KLF8: variants seen among roughly 807,000 people sequenced by gnomAD.
KLF8 encodes KLF transcription factor 8.
In KLF8, 10 loss-of-function variants were observed where a neutral mutation model predicts 18.2. That is an observed-to-expected ratio of 0.55 (90% CI 0.34 to 0.93). KLF8 has a LOEUF of 0.93. Among genes scored for constraint, KLF8 ranks in the 40% least tolerant of loss-of-function variants. The pLI is 0.02. For synonymous variants in KLF8, 109 were observed against 97.3 expected (o/e 1.12, Z -0.71); for missense variants, 264 against 277.9 (o/e 0.95, Z 0.36).
the KLF8 span, among the ~76,000 whole-genome samples, chrX:55,985,470 G>A: frequency 9.0e-6 from 1 of 111,457 alleles, no homozygotes; most frequent in Non-Finnish European, 1.9e-5. Context: ...TCTCTATTCT[G>A]TTCCATTGGT....
At chrX:56,239,310 C>T (rs1030383788) in intron 1 of KLF8, among the ~76,000 whole-genome samples, 1 of 112,242 alleles carries the variant, frequency 8.9e-6, no homozygotes, top group African/African-American at 3.2e-5. Flanking sequence ...CTAATTTTTC[C>T]CTTGTGCCAA....
At chrX:56,194,873 AGCAATATTTGCTGTTCT>A in the KLF8 span, among the ~76,000 whole-genome samples, 17 of 112,341 alleles carry the variant, frequency 1.5e-4, no homozygotes, top group East Asian at 8.4e-4. Flanking sequence ...AGGATCAGAC[AGCAATATTTGCTGTTCT>A]GCAATATTTG....
At chrX:56,271,011 A>G (rs975436000) in intron 5 of KLF8, among the ~76,000 whole-genome samples, 1 of 112,342 alleles carries the variant, frequency 8.9e-6, no homozygotes, top group Admixed American at 9.4e-5. Context: ...ACAATACAAC[A>G]ATAAAAAAAT....
the KLF8 span, among the ~76,000 whole-genome samples, chrX:55,926,424 T>A: frequency 9.0e-6 from 1 of 110,651 alleles, no homozygotes; most frequent in Non-Finnish European, 1.9e-5. Flanking sequence ...CTCTCCATGT[T>A]TCTAAAATTG....
At chrX:56,050,114 TC>T in the KLF8 span, among the ~76,000 whole-genome samples, 1 of 110,092 alleles carries the variant, frequency 9.1e-6, no homozygotes, top group Non-Finnish European at 1.9e-5. Context: ...GGTGGTGATA[TC>T]CCCTTTATCA....
the KLF8 span, chrX:55,962,373 C>G: frequency 1.4e-5 from 3 of 215,756 alleles, no homozygotes; most frequent in South Asian, 2.0e-4. Context: ...GAGCAGCTGA[C>G]CAATGAGTTC....
chrX:56,149,625 G>A, the KLF8 span, among the ~76,000 whole-genome samples: 2 of 111,642 alleles, frequency 1.8e-5, no homozygotes, highest in African/African-American at 6.5e-5. Context: ...ATGCAAAAAA[G>A]CAAAATAAAA....
the KLF8 span, among the ~76,000 whole-genome samples, chrX:55,936,910 A>G: frequency 8.9e-6 from 1 of 112,208 alleles, no homozygotes; most frequent in African/African-American, 3.2e-5. Context: ...ACCACAGCTC[A>G]AGGACCCTGC....
chrX:56,181,393 C>T, the KLF8 span, among the ~76,000 whole-genome samples: 513 of 111,500 alleles, frequency 4.6e-3, 1 homozygote, highest in African/African-American at 0.016. Flanking sequence ...ATACAGCACA[C>T]TGATCGGTCT....
At chrX:55,980,170 A>C in the KLF8 span, among the ~76,000 whole-genome samples, 1 of 111,772 alleles carries the variant, frequency 8.9e-6, no homozygotes. Context: ...GATGAAAAGG[A>C]GTTTCAGTGG....
At chrX:56,271,402 C>T (rs1409526267) in intron 5 of KLF8, among the ~76,000 whole-genome samples, 2 of 111,807 alleles carry the variant, frequency 1.8e-5, no homozygotes, top group Non-Finnish European at 3.8e-5. Context: ...TGCCTAGAAG[C>T]CAGATGCAGC....
chrX:56,191,689 A>G, the KLF8 span, among the ~76,000 whole-genome samples: 63 of 111,969 alleles, frequency 5.6e-4, 1 homozygote, highest in East Asian at 0.016. Context: ...AACAAAATGA[A>G]TGGCAAAAAT....
chrX:56,015,405 T>C, the KLF8 span, among the ~76,000 whole-genome samples: 1 of 112,094 alleles, frequency 8.9e-6, no homozygotes, highest in Non-Finnish European at 1.9e-5. Flanking sequence ...ACTTGATGGG[T>C]TAAAATAACA....
In KLF8 at chrX:56,291,448, G is replaced by A. The variant is rs997210504; in HGVS notation, c.*6954G>A. On this transcript the variant is annotated 3_prime_UTR_variant, in exon 6 of 6. Coordinates refer to ENST00000468660, the MANE Select transcript of KLF8 (RefSeq NM_007250.5). ...GACCCTCCACTATGGCATCCATGCA[G>A]GGTGTGTGCTTGGGGACTAAGCAAT... Among the ~76,000 whole-genome samples the A allele has an allele frequency of 2.7e-5, 3 of 111,804 alleles. No homozygotes were observed. The highest frequency in any genetic ancestry group is 9.7e-5 in the African/African-American group (3 of 30,777).
chrX:56,169,888 C>A, the KLF8 span, among the ~76,000 whole-genome samples: 1 of 111,032 alleles, frequency 9.0e-6, no homozygotes, highest in East Asian at 2.9e-4. Flanking sequence ...TTGGTTTAGA[C>A]CCAGTGTTGT....
chrX:56,031,583 G>A, the KLF8 span, among the ~76,000 whole-genome samples: 58,412 of 110,768 alleles, frequency 0.53, 13,723 homozygotes, highest in East Asian at 0.76. Context: ...CTACCCGGGA[G>A]CGCTCTTTGG....
the KLF8 span, among the ~76,000 whole-genome samples, chrX:56,162,804 GAGATGA>G: frequency 9.0e-6 from 1 of 111,144 alleles, no homozygotes; most frequent in Non-Finnish European, 1.9e-5. Context: ...ACTCCTCAGT[GAGATGA>G]ACCCAGTACA....
chrX:55,998,603 T>C, the KLF8 span, among the ~76,000 whole-genome samples: 1 of 111,722 alleles, frequency 9.0e-6, no homozygotes, highest in Non-Finnish European at 1.9e-5. Flanking sequence ...AGCATGGTGT[T>C]GGGGGTAAGG....
At chrX:56,170,494 A>C in the KLF8 span, among the ~76,000 whole-genome samples, 1 of 110,278 alleles carries the variant, frequency 9.1e-6, no homozygotes, top group East Asian at 2.9e-4. Context: ...AGAGATTGAA[A>C]TAATTTAAAA....
Sources: gnomAD v4.1 joint callset for allele counts (sites outside exome capture counted in the v4.1 genomes callset) on GRCh38, gnomAD v4.1.1 for gene constraint, MANE v1.5 for transcripts, NCBI Gene and HGNC (gene_info 2026-07-23, HGNC 2026-07-21) for gene names.